The following HERC3 variants were observed in gnomAD, a reference collection of about 807,000 sequenced individuals.
The protein encoded by HERC3 is probable E3 ubiquitin-protein ligase HERC3.
Under a neutral mutation model 129.9 loss-of-function variants are expected in HERC3, and 58 were observed. The ratio of observed to expected loss-of-function variants is 0.45; its 90% CI spans 0.36 to 0.56. The LOEUF (loss-of-function observed/expected upper bound fraction) is 0.56. Ranked by LOEUF, HERC3 falls within the 20% of genes least tolerant of loss-of-function variation. The pLI is 0.00. For missense variants in HERC3, 835 were observed against 1,244.2 expected (o/e 0.67, Z 4.95); for synonymous variants, 430 against 451.0 (o/e 0.95, Z 0.59).
chr4:88,644,087 T>G (rs142335974), intron 3 of HERC3, among the ~76,000 whole-genome samples: 173 of 152,282 alleles, frequency 1.1e-3, no homozygotes, highest in Non-Finnish European at 2.0e-3. Context: ...GAAATACCAT[T>G]ATACTTGTTA....
chr4:88,664,490 A>G (rs1014573150), intron 12 of HERC3, among the ~76,000 whole-genome samples: 2 of 152,212 alleles, frequency 1.3e-5, no homozygotes, highest in Admixed American at 6.5e-5. Flanking sequence ...CCTTAATTTA[A>G]TGAGTAAGCT....
chr4:88,692,894 G>A (rs1734223841), intron 23 of HERC3: 27 of 985,144 alleles, frequency 2.7e-5, no homozygotes, highest in South Asian at 4.7e-5. Flanking sequence ...TCCTCCTTTC[G>A]CCCTAGGAAG....
chr4:88,596,544 T>C (rs186681122), intron 2 of HERC3, among the ~76,000 whole-genome samples: 1 of 152,308 alleles, frequency 6.6e-6, no homozygotes, highest in Non-Finnish European at 1.5e-5. Context: ...GGCACAAAGA[T>C]GAGTAAAACC....
At chr4:88,599,819 C>T (rs116090815) in intron 2 of HERC3, among the ~76,000 whole-genome samples, 666 of 152,248 alleles carry the variant, frequency 4.4e-3, no homozygotes, top group Non-Finnish European at 6.8e-3. Context: ...ATCCACCCAT[C>T]CACTTTTAGG....
chr4:88,639,375 T>C (rs1727818661), intron 3 of HERC3, among the ~76,000 whole-genome samples: 1 of 152,188 alleles, frequency 6.6e-6, no homozygotes, highest in African/African-American at 2.4e-5. Flanking sequence ...AACAGCATGG[T>C]ACTAGTACCA....
chr4:88,559,070 G>A, the HERC3 span, among the ~76,000 whole-genome samples: 8 of 151,884 alleles, frequency 5.3e-5, no homozygotes, highest in Non-Finnish European at 2.9e-5. Flanking sequence ...TATATTGATA[G>A]ATAGACAGTA....
At chr4:88,534,957 C>T in the HERC3 span, among the ~76,000 whole-genome samples, 1 of 152,118 alleles carries the variant, frequency 6.6e-6, no homozygotes, top group African/African-American at 2.4e-5. Context: ...ATTGTAAAAG[C>T]TCTTTTATTA....
chr4:88,694,139 C>A (rs1734354168), intron 23 of HERC3, among the ~76,000 whole-genome samples: 1 of 152,168 alleles, frequency 6.6e-6, no homozygotes, highest in African/African-American at 2.4e-5. Context: ...CTGGCCAGAG[C>A]ACATAGCTAG....
the HERC3 span, among the ~76,000 whole-genome samples, chr4:88,567,146 A>C: frequency 6.6e-6 from 1 of 152,134 alleles, no homozygotes; most frequent in Non-Finnish European, 1.5e-5. Flanking sequence ...TTCCACTGAG[A>C]AGTCTGTTGT....
chr4:88,648,839 GC>G (rs1728966157), intron 3 of HERC3, among the ~76,000 whole-genome samples: 1 of 147,262 alleles, frequency 6.8e-6, no homozygotes, highest in Non-Finnish European at 1.5e-5. Flanking sequence ...TTTTCTCTTT[GC>G]TTTTTTCTTC....
chr4:88,681,118 A>T (rs202116125), intron 20 of HERC3, 41 bp from the exon 21 acceptor site: 1 of 1,543,264 alleles, frequency 6.5e-7, no homozygotes, highest in Non-Finnish European at 8.7e-7. Flanking sequence ...GGCCAGAAAC[A>T]TTGCATTTCT....
At chr4:88,551,800 C>T in the HERC3 span, among the ~76,000 whole-genome samples, 2 of 152,178 alleles carry the variant, frequency 1.3e-5, no homozygotes, top group East Asian at 1.9e-4. Context: ...ACCCAAAGGA[C>T]TATAAATCAT....
intron 3 of HERC3, among the ~76,000 whole-genome samples, chr4:88,612,127 T>C (rs1724399093): frequency 6.6e-6 from 1 of 152,216 alleles, no homozygotes; most frequent in Non-Finnish European, 1.5e-5. Flanking sequence ...AGCAGTGATA[T>C]AAAGCACCTC....
chr4:88,553,698 C>T, the HERC3 span, among the ~76,000 whole-genome samples: 72 of 152,284 alleles, frequency 4.7e-4, no homozygotes, highest in African/African-American at 1.6e-3. Context: ...CCACCACACC[C>T]ACCTAATTTT....
At chr4:88,575,233 T>C in the HERC3 span, among the ~76,000 whole-genome samples, 1 of 152,366 alleles carries the variant, frequency 6.6e-6, no homozygotes, top group Admixed American at 6.5e-5. Flanking sequence ...TCCTCCTCTA[T>C]AGGATTTTTT....
chr4:88,701,087 T>TA (rs1735277511), intron 23 of HERC3, among the ~76,000 whole-genome samples: 2 of 152,366 alleles, frequency 1.3e-5, no homozygotes, highest in South Asian at 4.1e-4. Context: ...CAGTCTGTAA[T>TA]AAAAATTGTT....
the HERC3 span, among the ~76,000 whole-genome samples, chr4:88,532,727 G>T: frequency 2.0e-5 from 3 of 152,256 alleles, no homozygotes; most frequent in Admixed American, 1.3e-4. Flanking sequence ...TAAAAAGAAT[G>T]AAGAGTAGAA....
At chr4:88,682,450 T>C (rs993581526) in intron 21 of HERC3, among the ~76,000 whole-genome samples, 20 of 151,850 alleles carry the variant, frequency 1.3e-4, no homozygotes, top group African/African-American at 2.7e-4. Context: ...TTAGATGTAT[T>C]TCCTAATGCT....
chr4:88,620,174 T>C (rs1156558012), intron 3 of HERC3, among the ~76,000 whole-genome samples: 1 of 152,246 alleles, frequency 6.6e-6, no homozygotes, highest in African/African-American at 2.4e-5. Context: ...ACTCATCCTC[T>C]AGGGAATAGG....
Sources: allele counts gnomAD v4.1 joint callset (sites outside exome capture counted in the v4.1 genomes callset), GRCh38; gene constraint gnomAD v4.1.1; transcripts MANE v1.5; gene names NCBI Gene and HGNC (gene_info 2026-07-23, HGNC 2026-07-21).